CLNK: variants seen among roughly 807,000 people sequenced by gnomAD.
CLNK encodes cytokine dependent hematopoietic cell linker.
Under a neutral mutation model 68.6 loss-of-function variants are expected in CLNK, and 74 were observed. That is an observed-to-expected ratio of 1.08 (90% CI 0.89 to 1.31). The LOEUF (loss-of-function observed/expected upper bound fraction) is 1.31. CLNK is among the 50% of genes most tolerant of loss of function. CLNK has a pLI of 0.00. For synonymous variants in CLNK, 198 were observed against 172.2 expected (o/e 1.15, Z -1.17); for missense variants, 553 against 515.3 (o/e 1.07, Z -0.71).
chr4:10,501,260 T>C lies in CLNK; in HGVS notation c.1136A>G (p.Asp379Gly). The C allele has an allele frequency of 6.4e-7, 1 of 1,570,304 alleles. No homozygotes were observed. Among genetic ancestry groups the C allele is most frequent in the Non-Finnish European group, 8.6e-7 (1 of 1,166,090 alleles). Residue 379 changes from aspartate (D) to glycine (G), a missense_variant, in exon 18 of 19, where the codon GAT (aspartate) becomes GGT (glycine). Transcript: ENST00000226951. ...AGGCTGTTAAGTTATACCCACCTCA[T>C]CTCCTCTGAGTCCTGTCCCCAGGGC... ...QFALGTGLRG[D>G]EKFDSVEDII... is the part of the protein sequence containing the mutation.
intron 2 of CLNK, among the ~76,000 whole-genome samples, chr4:10,655,796 C>T (rs563134023): frequency 1.3e-5 from 2 of 151,806 alleles, no homozygotes; most frequent in East Asian, 1.9e-4. Context: ...ACTACAGGCA[C>T]CCACCACCAC....
At chr4:10,654,118 A>T (rs1332440069) in intron 2 of CLNK, among the ~76,000 whole-genome samples, 3 of 152,208 alleles carry the variant, frequency 2.0e-5, no homozygotes, top group Admixed American at 1.3e-4. Flanking sequence ...CACAAATGTG[A>T]TGCTAACCAG....
At chr4:10,609,075 C>G (rs183126714) in intron 2 of CLNK, among the ~76,000 whole-genome samples, 119 of 152,336 alleles carry the variant, frequency 7.8e-4, no homozygotes, top group African/African-American at 2.8e-3. Flanking sequence ...CAGTTCATAA[C>G]AGGCCTGGGT....
At chr4:10,588,582 TTTG>T (rs569929197) in intron 3 of CLNK, among the ~76,000 whole-genome samples, 10 of 152,114 alleles carry the variant, frequency 6.6e-5, no homozygotes, top group Non-Finnish European at 1.3e-4. Context: ...TGGTAGACAT[TTTG>T]TTGTTGTTGT....
At chr4:10,731,147 G>C in the CLNK span, among the ~76,000 whole-genome samples, 49 of 151,140 alleles carry the variant, frequency 3.2e-4, no homozygotes, top group African/African-American at 1.2e-3. Flanking sequence ...TCATCACACA[G>C]TGCTATCAAA....
At chr4:10,675,632 TG>T (rs1724839850) in intron 1 of CLNK, among the ~76,000 whole-genome samples, 1 of 152,238 alleles carries the variant, frequency 6.6e-6, no homozygotes, top group African/African-American at 2.4e-5. Context: ...GAAATTGTTT[TG>T]TTCCCAAACA....
At chr4:10,725,800 A>T in the CLNK span, among the ~76,000 whole-genome samples, 1 of 151,866 alleles carries the variant, frequency 6.6e-6, no homozygotes, top group South Asian at 2.1e-4. Context: ...CCTTGCAGTG[A>T]GCCGAGATGC....
chr4:10,510,811 T>C (rs964898261), intron 16 of CLNK, among the ~76,000 whole-genome samples: 1 of 152,214 alleles, frequency 6.6e-6, no homozygotes, highest in African/African-American at 2.4e-5. Context: ...AAACTCAACC[T>C]ATTGCTAAAA....
chr4:10,699,494 C>CTCTCTCTATATATATATATATATATATA, the CLNK span, among the ~76,000 whole-genome samples: 1 of 56,966 alleles, frequency 1.8e-5, no homozygotes, highest in African/African-American at 9.1e-5. Flanking sequence ...CTCTCTCTCT[C>CTCTCTCTATATATATATATATATATATA]TATATATATA....
upstream of CLNK, among the ~76,000 whole-genome samples, chr4:10,685,824 T>C (rs970239263): frequency 4.6e-5 from 7 of 152,168 alleles, no homozygotes; most frequent in African/African-American, 1.7e-4. Context: ...CATTTTGTAA[T>C]TGTGAAAACT....
intron 1 of CLNK, among the ~76,000 whole-genome samples, chr4:10,679,412 C>T (rs576387511): frequency 0.014 from 2,146 of 152,206 alleles, 53 homozygotes; most frequent in African/African-American, 0.047. Context: ...CCATAAAAAC[C>T]CTAGAAGAAA....
chr4:10,650,862 AC>A (rs1021401454), intron 2 of CLNK, among the ~76,000 whole-genome samples: 7 of 152,156 alleles, frequency 4.6e-5, no homozygotes, highest in African/African-American at 1.7e-4. Flanking sequence ...AGAAAAAAAA[AC>A]AAACAACCTC....
intron 16 of CLNK, among the ~76,000 whole-genome samples, chr4:10,512,542 A>G (rs1458013349): frequency 1.3e-5 from 2 of 152,020 alleles, no homozygotes; most frequent in African/African-American, 2.4e-5. Flanking sequence ...GGATGTGAAA[A>G]TATTTTCCAA....
At chr4:10,537,702 C>T (rs199652934) in intron 11 of CLNK, among the ~76,000 whole-genome samples, 449 of 22,984 alleles carry the variant, frequency 0.02, 12 homozygotes, top group Admixed American at 0.033. Context: ...TTCCTTCCTT[C>T]CTTCCTTTCT....
chr4:10,662,166 A>G (rs1724218152), intron 2 of CLNK, among the ~76,000 whole-genome samples: 1 of 152,188 alleles, frequency 6.6e-6, no homozygotes, highest in Non-Finnish European at 1.5e-5. Flanking sequence ...GAGCATCACA[A>G]CACCGTCTGC....
chr4:10,511,203 C>T (rs1435259174), intron 16 of CLNK, among the ~76,000 whole-genome samples: 1 of 152,032 alleles, frequency 6.6e-6, no homozygotes, highest in Non-Finnish European at 1.5e-5. Flanking sequence ...TTGAAGTCTC[C>T]TATCTCCCTA....
At chr4:10,495,281 T>C (rs1053469996) in intron 18 of CLNK, among the ~76,000 whole-genome samples, 2 of 152,234 alleles carry the variant, frequency 1.3e-5, no homozygotes, top group Non-Finnish European at 2.9e-5. Context: ...ACATGACTTA[T>C]AAAACTGAGA....
chr4:10,505,456 A>G (rs1190167391), intron 17 of CLNK, among the ~76,000 whole-genome samples: 2 of 152,234 alleles, frequency 1.3e-5, no homozygotes, highest in Admixed American at 6.5e-5. Context: ...TAGCAATGGT[A>G]TCATTTCCTA....
At position 10,563,690 on chromosome 4, in the gene CLNK, C is replaced by T. The variant is rs997421115; in HGVS notation, c.399+981G>A. ...TTGGGAGGCTAAGGTGGGTGGATCA[C>T]GAGGTCAGGATTTTGAGACCAGCCT... On this transcript the variant is annotated intron_variant, in intron 7 of 18. Coordinates refer to ENST00000226951, the MANE Select transcript of CLNK (RefSeq NM_052964.4). 5.3e-5 allele frequency among the ~76,000 whole-genome samples: 8 copies of T among 152,056 alleles called. No individual in the cohort carries two copies. In the East Asian group the frequency reaches 7.7e-4, roughly 15 times the overall value.
Sources: allele counts gnomAD v4.1 joint callset (sites outside exome capture counted in the v4.1 genomes callset), GRCh38; gene constraint gnomAD v4.1.1; transcripts MANE v1.5; gene names NCBI Gene and HGNC (gene_info 2026-07-23, HGNC 2026-07-21).